The following ADAMTSL1 variants were observed in gnomAD, a reference collection of about 807,000 sequenced individuals.
The protein encoded by ADAMTSL1 is ADAMTS like 1.
ADAMTSL1 carries 126 observed loss-of-function variants against 201.8 expected under a neutral mutation model. That is an observed-to-expected ratio of 0.62 (90% CI 0.54 to 0.72). ADAMTSL1 has a LOEUF of 0.72. ADAMTSL1 is among the 30% of genes least tolerant of loss of function. ADAMTSL1 has a pLI of 0.00. For synonymous variants in ADAMTSL1, 1,121 were observed against 903.4 expected, an observed-to-expected ratio of 1.24 and a Z score of -4.32; for missense variants, 2,679 against 2,277.8, an observed-to-expected ratio of 1.18 and a Z score of -3.59.
intron 13 of ADAMTSL1, among the ~76,000 whole-genome samples, chr9:18,695,371 G>A (rs1349957868): frequency 6.6e-6 from 1 of 152,172 alleles, no homozygotes; most frequent in African/African-American, 2.4e-5. Context: ...TTCCTCTCCA[G>A]AAAATGGGTT....
intron 4 of ADAMTSL1, among the ~76,000 whole-genome samples, chr9:18,589,161 G>A (rs1823747662): frequency 6.6e-6 from 1 of 151,884 alleles, no homozygotes; most frequent in South Asian, 2.1e-4. Context: ...ACAGGCATGA[G>A]TTGCCACACC....
chr9:18,348,125 C>G (rs1835805297), intron 2 of ADAMTSL1, among the ~76,000 whole-genome samples: 1 of 152,208 alleles, frequency 6.6e-6, no homozygotes, highest in African/African-American at 2.4e-5. Context: ...GCTTCTCACA[C>G]TTACTAATCT....
intron 1 of ADAMTSL1, among the ~76,000 whole-genome samples, chr9:18,129,221 G>T (rs955539414): frequency 1.3e-5 from 2 of 152,178 alleles, no homozygotes. Flanking sequence ...GTGTTAAACT[G>T]AGAAATCCTA....
At chr9:17,953,218 T>C (rs375011670) in intron 1 of ADAMTSL1, among the ~76,000 whole-genome samples, 4 of 152,178 alleles carry the variant, frequency 2.6e-5, no homozygotes, top group African/African-American at 9.7e-5. Context: ...ATTTACTTGT[T>C]GATGCTACAA....
chr9:18,205,398 C>G (rs1829606377), intron 2 of ADAMTSL1, among the ~76,000 whole-genome samples: 1 of 151,910 alleles, frequency 6.6e-6, no homozygotes, highest in Non-Finnish European at 1.5e-5. Flanking sequence ...CCAAGACAAA[C>G]TTATCTTTTA....
intron 2 of ADAMTSL1, among the ~76,000 whole-genome samples, chr9:18,185,685 C>T (rs10810920): frequency 0.32 from 48,016 of 151,960 alleles, 7,880 homozygotes; most frequent in South Asian, 0.43. Context: ...AAAACACTAG[C>T]TGTCTAAATC....
chr9:18,842,421 G>A (rs1563848980), intron 23 of ADAMTSL1, among the ~76,000 whole-genome samples: 2 of 152,098 alleles, frequency 1.3e-5, no homozygotes, highest in South Asian at 2.1e-4. Flanking sequence ...TATAATTTCT[G>A]TTCTTTTACA....
In ADAMTSL1 at chr9:18,680,483, C is replaced by T. The variant is rs373271396; in HGVS notation, c.1308C>T (p.Asp436=). 157 of 1,614,070 alleles carry T rather than the reference C, an allele frequency of 9.7e-5. No individual in the cohort carries two copies. The highest frequency in any genetic ancestry group is 1.3e-4 in the Non-Finnish European group (148 of 1,180,038). The change falls in exon 11 of 29, where the codon GAC becomes GAT. Residue 436 remains aspartate (D), a synonymous_variant. Coordinates refer to ENST00000380548, the MANE Select transcript of ADAMTSL1 (RefSeq NM_001040272.6). ...TCGCGCAGCCCTGCAACATTTTTGA[C>T]TGCCCTAAATGGCTGGCACAGGAGT... is the stretch of plus-strand genomic sequence containing the variant. ...MPIAQPCNIF[D]CPKWLAQEWS...
intron 2 of ADAMTSL1, among the ~76,000 whole-genome samples, chr9:18,371,043 A>T (rs903463788): frequency 1.3e-5 from 2 of 152,076 alleles, no homozygotes; most frequent in African/African-American, 4.8e-5. Context: ...ATATCCAATT[A>T]TTTTTTTAAT....
chr9:18,753,859 C>T (rs781328921), intron 16 of ADAMTSL1, among the ~76,000 whole-genome samples: 11 of 152,144 alleles, frequency 7.2e-5, no homozygotes, highest in African/African-American at 2.4e-4. Flanking sequence ...TTAATTTACA[C>T]CCTTTCTAGT....
intron 2 of ADAMTSL1, among the ~76,000 whole-genome samples, chr9:18,200,080 C>T (rs1032748711): frequency 1.3e-5 from 2 of 151,770 alleles, no homozygotes; most frequent in Non-Finnish European, 2.9e-5. Context: ...GAAGAGGAAC[C>T]CAAAATAAAA....
chr9:18,444,829 A>G (rs1181703551), intron 2 of ADAMTSL1, among the ~76,000 whole-genome samples: 1 of 152,186 alleles, frequency 6.6e-6, no homozygotes, highest in Non-Finnish European at 1.5e-5. Context: ...ATTAAAAGAC[A>G]TATGTCTATG....
At chr9:18,456,208 C>T (rs151092544) in intron 2 of ADAMTSL1, among the ~76,000 whole-genome samples, 1 of 152,146 alleles carries the variant, frequency 6.6e-6, no homozygotes, top group Non-Finnish European at 1.5e-5. Flanking sequence ...TTTTCATACT[C>T]CTTTGAGTTT....
intron 2 of ADAMTSL1, among the ~76,000 whole-genome samples, chr9:18,259,762 G>A (rs2244327): frequency 0.46 from 70,022 of 151,914 alleles, 17,071 homozygotes; most frequent in African/African-American, 0.63. Flanking sequence ...ATGAAATAAG[G>A]TAATAGGTGA....
intron 7 of ADAMTSL1, among the ~76,000 whole-genome samples, chr9:18,645,261 T>G (rs889692100): frequency 1.3e-5 from 2 of 152,236 alleles, no homozygotes; most frequent in East Asian, 3.8e-4. Flanking sequence ...TAAATTTGTT[T>G]GAGTTCATTG....
chr9:18,319,259 A>C (rs1359868581), intron 2 of ADAMTSL1, among the ~76,000 whole-genome samples: 1 of 152,202 alleles, frequency 6.6e-6, no homozygotes, highest in East Asian at 1.9e-4. Context: ...CATGCCTTTA[A>C]TAACACATAA....
intron 2 of ADAMTSL1, among the ~76,000 whole-genome samples, chr9:18,356,615 A>ACACACACACACACACACACT (rs1257758404): frequency 8.6e-5 from 13 of 150,884 alleles, no homozygotes; most frequent in Non-Finnish European, 1.3e-4. Context: ...ACACACACAC[A>ACACACACACACACACACACT]CACACACACA....
At chr9:18,303,577 T>C (rs1259052994) in intron 2 of ADAMTSL1, among the ~76,000 whole-genome samples, 4 of 151,962 alleles carry the variant, frequency 2.6e-5, no homozygotes, top group Non-Finnish European at 5.9e-5. Context: ...TTTAAGCAGC[T>C]CTCCACAGTT....
chr9:18,443,238 C>A (rs1820065844), intron 2 of ADAMTSL1, among the ~76,000 whole-genome samples: 2 of 152,202 alleles, frequency 1.3e-5, no homozygotes, highest in Non-Finnish European at 2.9e-5. Flanking sequence ...GTTGTAATTT[C>A]ATCTTCAGTT....
Sources: gnomAD v4.1 joint callset for allele counts (sites outside exome capture counted in the v4.1 genomes callset) on GRCh38, gnomAD v4.1.1 for gene constraint, MANE v1.5 for transcripts, NCBI Gene and HGNC (gene_info 2026-07-23, HGNC 2026-07-21) for gene names.